ABCE1: variants seen among roughly 807,000 people sequenced by gnomAD.
ABCE1 encodes the protein ATP-binding cassette sub-family E member 1.
A neutral mutation model predicts 83.4 loss-of-function variants in ABCE1; 22 were observed. That is an observed-to-expected ratio of 0.26 (90% CI 0.19 to 0.38). The LOEUF (loss-of-function observed/expected upper bound fraction) is 0.38, where lower values mean the gene tolerates loss of function less well. ABCE1 is among the 10% of genes least tolerant of loss of function. ABCE1 has a pLI of 1.00. For missense variants in ABCE1, 330 were observed against 721.9 expected, an observed-to-expected ratio of 0.46 and a Z score of 6.22; for synonymous variants, 204 against 233.7, an observed-to-expected ratio of 0.87 and a Z score of 1.16.
At chr4:145,100,379 G>A (rs1402403374) in intron 1 of ABCE1, among the ~76,000 whole-genome samples, 1 of 152,066 alleles carries the variant, frequency 6.6e-6, no homozygotes, top group Non-Finnish European at 1.5e-5. Flanking sequence ...ACAGTCTTTT[G>A]GTTTTTAAAA....
In ABCE1 at chr4:145,123,018, CAG is replaced by C; in HGVS notation, c.1264-2_1264-1del. ...TTTAAATACTTTTTTATATTAAAAA[CAG>C]GGAAGTGTTCGCCAGTTACTACATG... On this transcript the variant is annotated splice_acceptor_variant, in intron 13 of 17. Coordinates refer to ENST00000296577, the MANE Select transcript of ABCE1 (RefSeq NM_002940.3). LOFTEE classifies it high-confidence loss of function. 6.5e-7 allele frequency: 1 copy of C among 1,547,868 alleles called. No individual in the cohort carries two copies.
chr4:145,104,292 C>T, intron 1 of ABCE1, 94 bp from the exon 2 acceptor site: 1 of 470,122 alleles, frequency 2.1e-6, no homozygotes, highest in South Asian at 5.1e-5. Context: ...CATTTCATCT[C>T]CATATAATGA....
At chr4:145,122,874 A>G in intron 13 of ABCE1, 147 bp from the exon 14 acceptor site, 1 of 559,210 alleles carries the variant, frequency 1.8e-6, no homozygotes, top group East Asian at 3.0e-5. Context: ...ATCTCAAAAC[A>G]TGTCATAGAT....
At chr4:145,110,060 A>G (rs764877677) in intron 5 of ABCE1, 43 bp from the exon 6 acceptor site, 3 of 1,464,108 alleles carry the variant, frequency 2.0e-6, no homozygotes, top group East Asian at 2.3e-5. Context: ...TTGTCATTGT[A>G]TTATTAAATT....
intron 1 of ABCE1, among the ~76,000 whole-genome samples, chr4:145,098,990 G>A (rs1475046206): frequency 2.6e-5 from 4 of 152,226 alleles, no homozygotes; most frequent in African/African-American, 9.6e-5. Flanking sequence ...CGTGTACGCA[G>A]CTATGACTGG....
intron 2 of ABCE1, 77 bp from the exon 3 acceptor site, chr4:145,105,528 A>T: frequency 1.0e-6 from 1 of 961,060 alleles, no homozygotes; most frequent in Non-Finnish European, 1.6e-6. Context: ...ATTTAGAACC[A>T]GCATTGCCTA....
At chr4:145,107,223 G>A (rs1749332528) in intron 3 of ABCE1, among the ~76,000 whole-genome samples, 1 of 151,874 alleles carries the variant, frequency 6.6e-6, no homozygotes, top group Non-Finnish European at 1.5e-5. Flanking sequence ...ATATAAGATA[G>A]ATAAAAGTCA....
At chr4:145,116,669 G>A (rs1028079723) in intron 9 of ABCE1, among the ~76,000 whole-genome samples, 2 of 151,850 alleles carry the variant, frequency 1.3e-5, no homozygotes, top group African/African-American at 4.8e-5. Context: ...AGCCAATACT[G>A]TATCACTTCA....
intron 3 of ABCE1, among the ~76,000 whole-genome samples, chr4:145,106,364 TA>T (rs1470942104): frequency 6.6e-6 from 1 of 152,064 alleles, no homozygotes; most frequent in East Asian, 1.9e-4. Context: ...AATCCTTGTT[TA>T]AGTATCCGGA....
chr4:145,105,223 G>T (rs1028908154), intron 2 of ABCE1, among the ~76,000 whole-genome samples: 4 of 151,808 alleles, frequency 2.6e-5, no homozygotes, highest in Non-Finnish European at 4.4e-5. Flanking sequence ...TAGTTCATTC[G>T]TTTAATGCTC....
intron 10 of ABCE1, among the ~76,000 whole-genome samples, chr4:145,118,398 G>T (rs1749659652): frequency 6.6e-6 from 1 of 151,562 alleles, no homozygotes. Context: ...ATATTAAGAT[G>T]TGGGGAAGAA....
intron 9 of ABCE1, among the ~76,000 whole-genome samples, 197 bp from the exon 10 acceptor site, chr4:145,117,096 C>T (rs1220598424): frequency 1.3e-5 from 2 of 151,816 alleles, no homozygotes; most frequent in Non-Finnish European, 2.9e-5. Context: ...TTTAAATTGG[C>T]TGATTTTTTC....
intron 1 of ABCE1, among the ~76,000 whole-genome samples, chr4:145,103,104 G>A (rs886902807): frequency 1.3e-5 from 2 of 152,200 alleles, no homozygotes; most frequent in Non-Finnish European, 2.9e-5. Flanking sequence ...AGATAGTTGA[G>A]ATGCAAAACT....
chr4:145,123,390 A>G (rs1238404554), intron 15 of ABCE1, 33 bp downstream of exon 15: 3 of 1,596,964 alleles, frequency 1.9e-6, no homozygotes, highest in Non-Finnish European at 1.7e-6. Context: ...TATTTTGATT[A>G]TGTATACTGT....
At chr4:145,104,900 A>G (rs1749256171) in intron 2 of ABCE1, among the ~76,000 whole-genome samples, 1 of 151,962 alleles carries the variant, frequency 6.6e-6, no homozygotes, top group Non-Finnish European at 1.5e-5. Context: ...TCATATTTAA[A>G]AAATGAACAA....
At chr4:145,112,097 A>C in intron 8 of ABCE1, 142 bp from the exon 9 acceptor site, 1 of 577,158 alleles carries the variant, frequency 1.7e-6, no homozygotes, top group East Asian at 3.0e-5. Flanking sequence ...TTACCATTAC[A>C]AGTAGACTCT....
rs1282774477 is a variant in ABCE1, at chr4:145,129,510, T to TACTC, written c.*1939_*1942dup. On this transcript the variant is annotated 3_prime_UTR_variant, in exon 18 of 18. Transcript: ENST00000296577. The stretch of plus-strand genomic sequence containing the variant: ...TATACAAAATATTGAAATAAAGGAA[T>TACTC]ACTCAAGAAACAGATTGCTTTTGAC... Among the ~76,000 whole-genome samples the TACTC allele has an allele frequency of 6.6e-6, 1 of 152,126 alleles. No individual in the cohort carries two copies. The highest frequency in any genetic ancestry group is 1.5e-5 in the Non-Finnish European group (1 of 68,000).
chr4:145,113,073 C>T (rs1560960810), intron 9 of ABCE1, among the ~76,000 whole-genome samples: 1 of 152,082 alleles, frequency 6.6e-6, no homozygotes, highest in Non-Finnish European at 1.5e-5. Context: ...CCCAAATGGT[C>T]AAAAACTAAA....
rs554114179 is a variant in ABCE1, at chr4:145,121,512, T to TG, written c.1263+122dup. 27 of 697,864 alleles carry TG rather than the reference T, an allele frequency of 3.9e-5. No homozygotes were observed. In the South Asian group the frequency reaches 4.8e-4, roughly 12 times the overall value. 43.2% of individuals were successfully genotyped at this position (697,864 alleles called of 1,614,324 possible). A position where few individuals can be genotyped will look rare whatever the true frequency, so the allele number is the denominator to read the frequency against. On this transcript the variant is annotated intron_variant, in intron 13 of 17. Coordinates refer to ENST00000296577, the MANE Select transcript of ABCE1 (RefSeq NM_002940.3). Reference sequence around the variant, plus strand: ...GATTCTATACAGTTTTATTGATAGTTGCAAACAAATGTATTAAGAGTCCAA... The same window carrying TG: ...GATTCTATACAGTTTTATTGATAGTTGGCAAACAAATGTATTAAGAGTCCAA...
Sources: allele counts gnomAD v4.1 joint callset (sites outside exome capture counted in the v4.1 genomes callset), GRCh38; gene constraint gnomAD v4.1.1; transcripts MANE v1.5; gene names NCBI Gene and HGNC (gene_info 2026-07-23, HGNC 2026-07-21).